The following SLC9A9 variants were observed in gnomAD, a reference collection of about 807,000 sequenced individuals.
The protein encoded by SLC9A9 is sodium/hydrogen exchanger 9.
Under a neutral mutation model 77.8 loss-of-function variants are expected in SLC9A9, and 62 were observed. The observed-to-expected ratio is 0.80, with a 90% CI of 0.65 to 0.98. The LOEUF is 0.98. Among genes scored for constraint, SLC9A9 ranks in the 50% least tolerant of loss-of-function variants. The pLI, the probability that SLC9A9 is intolerant of heterozygous loss-of-function variation, is 0.00. For synonymous variants in SLC9A9, 320 were observed against 283.5 expected (o/e 1.13, Z -1.29); for missense variants, 775 against 774.9 (o/e 1.00, Z 0.00).
intron 12 of SLC9A9, among the ~76,000 whole-genome samples, chr3:143,403,658 C>T (rs918798669): frequency 2.0e-5 from 3 of 152,140 alleles, no homozygotes; most frequent in Non-Finnish European, 4.4e-5. Context: ...TGTTATCTCA[C>T]TGCTTTGTGG....
chr3:143,710,056 A>G (rs1374915163), intron 4 of SLC9A9, among the ~76,000 whole-genome samples: 1 of 152,206 alleles, frequency 6.6e-6, no homozygotes, highest in African/African-American at 2.4e-5. Flanking sequence ...CCCAGCAGAA[A>G]TTGCATATTC....
intron 14 of SLC9A9, among the ~76,000 whole-genome samples, chr3:143,302,188 C>A (rs1489013568): frequency 3.9e-5 from 6 of 152,190 alleles, no homozygotes; most frequent in Non-Finnish European, 8.8e-5. Context: ...TTGCCTTGAG[C>A]ATTAAAGCTA....
At chr3:143,485,340 G>C (rs844417) in intron 11 of SLC9A9, among the ~76,000 whole-genome samples, 97,695 of 152,028 alleles carry the variant, frequency 0.64, 32,304 homozygotes, top group South Asian at 0.74. Context: ...AAAGGGCCAG[G>C]ACCCTTTTAA....
At chr3:143,631,021 ATGATTTCAGTCAC>A (rs1483075563) in intron 6 of SLC9A9, among the ~76,000 whole-genome samples, 1 of 152,176 alleles carries the variant, frequency 6.6e-6, no homozygotes, top group Non-Finnish European at 1.5e-5. Context: ...AATCGGTCCC[ATGATTTCAGTCAC>A]TGATAAAAAT....
At position 143,574,173 on chromosome 3, in the gene SLC9A9, C is replaced by T. The variant is rs2037317529; in HGVS notation, c.915G>A (p.Leu305=). 1.2e-6 allele frequency: 2 copies of T among 1,613,160 alleles called. No homozygotes were observed. Among genetic ancestry groups the T allele is most frequent in the Admixed American group, 1.7e-5 (1 of 59,950 alleles). The change falls in exon 8 of 16, where the codon CTG becomes CTA. Residue 305 remains leucine (L), a synonymous_variant. Coordinates refer to ENST00000316549, the MANE Select transcript of SLC9A9 (RefSeq NM_173653.4). Reference sequence around the variant, plus strand: ...CGGTTTCCAGCATCGGGAACTCACACAGCTTGGTAAATTTGGTCAAGTGAG... The same window carrying T: ...CGGTTTCCAGCATCGGGAACTCACATAGCTTGGTAAATTTGGTCAAGTGAG... ...ITALLTKFTK[L]CEFPMLETGL... is the part of the protein sequence containing the mutation.
At chr3:143,628,162 G>C (rs2038362558) in intron 6 of SLC9A9, among the ~76,000 whole-genome samples, 1 of 152,192 alleles carries the variant, frequency 6.6e-6, no homozygotes, top group African/African-American at 2.4e-5. Flanking sequence ...TTTCCTAAGG[G>C]ACAGCTAGAT....
intron 14 of SLC9A9, among the ~76,000 whole-genome samples, chr3:143,324,984 A>G (rs901692089): frequency 3.3e-5 from 5 of 151,890 alleles, no homozygotes; most frequent in Non-Finnish European, 7.4e-5. Context: ...CCATGGAAAA[A>G]TATTTAATAG....
intron 14 of SLC9A9, among the ~76,000 whole-genome samples, chr3:143,335,336 T>C (rs1181908087): frequency 6.6e-6 from 1 of 152,188 alleles, no homozygotes; most frequent in Non-Finnish European, 1.5e-5. Flanking sequence ...ATTGTTAAAA[T>C]GTTTATACTG....
At chr3:143,337,577 G>GA (rs1394256752) in intron 14 of SLC9A9, among the ~76,000 whole-genome samples, 4 of 152,212 alleles carry the variant, frequency 2.6e-5, no homozygotes, top group South Asian at 2.1e-4. Context: ...TGCTGTAGCA[G>GA]AATCCCCTGG....
chr3:143,517,613 G>A, intron 9 of SLC9A9: 1 of 1,597,400 alleles, frequency 6.3e-7, no homozygotes, highest in Admixed American at 1.7e-5. Flanking sequence ...ACAGGCAAGG[G>A]CAAGATCATG....
At chr3:143,480,825 T>C (rs115225505) in intron 11 of SLC9A9, among the ~76,000 whole-genome samples, 24 of 152,258 alleles carry the variant, frequency 1.6e-4, no homozygotes, top group African/African-American at 5.3e-4. Flanking sequence ...AAAAGAACAC[T>C]GGACTCTAGG....
rs150477485 is a variant in SLC9A9 at position 143,398,299 on chromosome 3, T to C, written c.1470-16185A>G. Among the ~76,000 whole-genome samples the C allele has an allele frequency of 2.8e-4, 42 of 152,278 alleles. No individual in the cohort carries two copies. The East Asian group carries it at 7.7e-3, about 28-fold the overall frequency. Reference sequence around the variant, plus strand: ...AGGCAAGGACTTGGGAGAGGTAATATTTGAGCTTGTATTCACACAAGATAC... The same window carrying C: ...AGGCAAGGACTTGGGAGAGGTAATACTTGAGCTTGTATTCACACAAGATAC... On this transcript the variant is annotated intron_variant, in intron 12 of 15. Transcript: ENST00000316549.
At chr3:143,832,990 C>T (rs890944995) in intron 1 of SLC9A9, among the ~76,000 whole-genome samples, 4 of 152,134 alleles carry the variant, frequency 2.6e-5, no homozygotes, top group African/African-American at 7.2e-5. Context: ...CACCACATTC[C>T]TTTTCATAAA....
chr3:143,287,183 A>G (rs1225304570), intron 14 of SLC9A9, among the ~76,000 whole-genome samples: 2 of 152,110 alleles, frequency 1.3e-5, no homozygotes, highest in African/African-American at 4.8e-5. Flanking sequence ...GCTCAGCAAG[A>G]CAGCTCAAGA....
intron 11 of SLC9A9, among the ~76,000 whole-genome samples, chr3:143,468,802 T>G (rs961124979): frequency 6.6e-6 from 1 of 152,234 alleles, no homozygotes; most frequent in African/African-American, 2.4e-5. Context: ...TATTTTACTT[T>G]TTCTTTTGTA....
chr3:143,386,290 G>A (rs2033424554), intron 12 of SLC9A9, among the ~76,000 whole-genome samples: 1 of 152,172 alleles, frequency 6.6e-6, no homozygotes, highest in Admixed American at 6.5e-5. Context: ...AGGCATGCAG[G>A]GCAAGCTCTA....
intron 6 of SLC9A9, among the ~76,000 whole-genome samples, chr3:143,586,927 G>A (rs1032543385): frequency 6.6e-6 from 1 of 152,208 alleles, no homozygotes; most frequent in Non-Finnish European, 1.5e-5. Flanking sequence ...AGACCCTGCA[G>A]AGTCAAGAGC....
At chr3:143,752,965 A>T (rs1279020220) in intron 4 of SLC9A9, among the ~76,000 whole-genome samples, 5 of 152,180 alleles carry the variant, frequency 3.3e-5, no homozygotes. Flanking sequence ...TGATGATCCT[A>T]TTCTGAAAAG....
chr3:143,292,004 C>T (rs2030006977), intron 14 of SLC9A9, among the ~76,000 whole-genome samples: 1 of 152,166 alleles, frequency 6.6e-6, no homozygotes, highest in African/African-American at 2.4e-5. Context: ...CCCATATAGC[C>T]CTGTGCTCTG....
Sources: allele counts gnomAD v4.1 joint callset (sites outside exome capture counted in the v4.1 genomes callset), GRCh38; gene constraint gnomAD v4.1.1; transcripts MANE v1.5; gene names NCBI Gene and HGNC (gene_info 2026-07-23, HGNC 2026-07-21).